SLC35F1: variants seen among roughly 807,000 people sequenced by gnomAD.
The protein encoded by SLC35F1 is chromosome 6 open reading frame 169.
In SLC35F1, 14 loss-of-function variants were observed where a neutral mutation model predicts 48.7. That is an observed-to-expected ratio of 0.29 (90% confidence interval 0.19 to 0.45). The LOEUF is 0.45. SLC35F1 is among the 20% of genes least tolerant of loss of function. SLC35F1 has a pLI of 1.00. For synonymous variants in SLC35F1, 190 were observed against 202.2 expected (o/e 0.94, Z 0.51); for missense variants, 404 against 500.0 (o/e 0.81, Z 1.83).
rs1007249562 is a variant in SLC35F1, at chr6:118,315,926, T to C, written c.*1674T>C. On this transcript the variant is annotated 3_prime_UTR_variant, in exon 8 of 8. Transcript: ENST00000360388. The stretch of plus-strand genomic sequence containing the variant: ...TCAGTATGTGATGTACTCTTTTAGT[T>C]TGACTGACTTCAATACCATTCAAAA... The C allele has an allele frequency of 3.9e-5, 6 of 152,230 alleles. No homozygotes were observed. The highest frequency in any genetic ancestry group is 1.2e-4 in the African/African-American group (5 of 41,462). The allele number at this position is 152,230 out of a possible 1,614,324, so 9.4% of individuals were successfully genotyped here. A position where few individuals can be genotyped will look rare whatever the true frequency, so the allele number is the denominator to read the frequency against.
chr6:118,228,256 G>T (rs1217736610), intron 2 of SLC35F1, among the ~76,000 whole-genome samples: 1 of 151,840 alleles, frequency 6.6e-6, no homozygotes, highest in Non-Finnish European at 1.5e-5. Context: ...GAACAATTTA[G>T]ATTTTCTTTT....
intron 1 of SLC35F1, among the ~76,000 whole-genome samples, chr6:117,955,427 C>T (rs1370601443): frequency 6.6e-6 from 1 of 152,184 alleles, no homozygotes; most frequent in Non-Finnish European, 1.5e-5. Flanking sequence ...ACTGTCTAGC[C>T]TGTGGATACC....
chr6:118,144,724 T>G, intron 1 of SLC35F1, among the ~76,000 whole-genome samples: 1 of 152,084 alleles, frequency 6.6e-6, no homozygotes, highest in East Asian at 1.9e-4. Context: ...TTACTTTATA[T>G]GTGAAAAGGA....
chr6:118,101,798 T>C (rs1265166811), intron 1 of SLC35F1, among the ~76,000 whole-genome samples: 5 of 152,232 alleles, frequency 3.3e-5, no homozygotes, highest in African/African-American at 7.2e-5. Flanking sequence ...CTTGCTGTTA[T>C]TAAAATATGT....
intron 2 of SLC35F1, among the ~76,000 whole-genome samples, chr6:118,227,905 GTCTT>G (rs1354109250): frequency 6.6e-6 from 1 of 152,152 alleles, no homozygotes; most frequent in Non-Finnish European, 1.5e-5. Flanking sequence ...TTCTTCTCTT[GTCTT>G]TCTTTCCACC....
At chr6:118,310,902 A>T (rs1424963713) in intron 7 of SLC35F1, among the ~76,000 whole-genome samples, 2 of 152,222 alleles carry the variant, frequency 1.3e-5, no homozygotes, top group African/African-American at 4.8e-5. Context: ...CGAGGGCATT[A>T]GATTTACAAA....
intron 7 of SLC35F1, among the ~76,000 whole-genome samples, chr6:118,310,315 G>A (rs1270554044): frequency 6.6e-6 from 1 of 152,028 alleles, no homozygotes; most frequent in African/African-American, 2.4e-5. Context: ...TCTTTCCTTG[G>A]GGAGATAGAA....
chr6:118,170,776 C>G (rs1009678504), intron 2 of SLC35F1, among the ~76,000 whole-genome samples: 40 of 151,848 alleles, frequency 2.6e-4, no homozygotes, highest in African/African-American at 9.7e-4. Context: ...TTTAAATTAC[C>G]CAAGTAAGAC....
chr6:118,022,851 C>T (rs1395285203), intron 1 of SLC35F1, among the ~76,000 whole-genome samples: 4 of 150,896 alleles, frequency 2.7e-5, no homozygotes, highest in African/African-American at 7.3e-5. Flanking sequence ...CCTGGGTTCG[C>T]GCCATTCTCC....
chr6:117,985,750 C>T (rs963826631), intron 1 of SLC35F1, among the ~76,000 whole-genome samples: 10 of 152,210 alleles, frequency 6.6e-5, no homozygotes, highest in Non-Finnish European at 1.3e-4. Flanking sequence ...GAAAACAGCT[C>T]GTCAAATTAG....
rs182410647 is a variant in SLC35F1 at position 118,157,644 on chromosome 6, G to A, written c.349+3024G>A. 1.7e-3 allele frequency among the ~76,000 whole-genome samples: 262 copies of A among 152,246 alleles called. 1 individual carries two copies. Among genetic ancestry groups the A allele is most frequent in the Non-Finnish European group, 1.5e-4 (10 of 68,024 alleles). ...GTATAAGTCCAAGAATCCAAAAGCT[G>A]AAGAACTTGAAGTCCGATGTTTGAG... On this transcript the variant is annotated intron_variant, in intron 2 of 7. Transcript: ENST00000360388.
chr6:118,222,507 G>A (rs1163803360), intron 2 of SLC35F1, among the ~76,000 whole-genome samples: 1 of 151,550 alleles, frequency 6.6e-6, no homozygotes, highest in East Asian at 1.9e-4. Flanking sequence ...ATTTATTGGG[G>A]GGTATAAAAA....
chr6:117,925,578 T>C (rs1368806056), intron 1 of SLC35F1, among the ~76,000 whole-genome samples: 1 of 152,202 alleles, frequency 6.6e-6, no homozygotes, highest in African/African-American at 2.4e-5. Flanking sequence ...GGGGTTTGTT[T>C]GACTTGCAGC....
chr6:118,282,876 G>A (rs374718232), intron 6 of SLC35F1, among the ~76,000 whole-genome samples: 1 of 152,092 alleles, frequency 6.6e-6, no homozygotes, highest in Non-Finnish European at 1.5e-5. Flanking sequence ...CTCTCTTGCC[G>A]GGATTGTGAC....
chr6:117,960,171 G>C (rs761344140), intron 1 of SLC35F1, among the ~76,000 whole-genome samples: 9 of 151,874 alleles, frequency 5.9e-5, no homozygotes, highest in Non-Finnish European at 1.0e-4. Context: ...TAGAGGGGTT[G>C]ACAAATATTA....
At chr6:118,064,076 A>C (rs944086187) in intron 1 of SLC35F1, among the ~76,000 whole-genome samples, 15 of 152,196 alleles carry the variant, frequency 9.9e-5, no homozygotes, top group Non-Finnish European at 2.9e-5. Flanking sequence ...CCTCACAGTC[A>C]TGGTGGAAGG....
chr6:118,149,910 G>A (rs945897509), intron 1 of SLC35F1, among the ~76,000 whole-genome samples: 2 of 152,178 alleles, frequency 1.3e-5, no homozygotes, highest in African/African-American at 4.8e-5. Context: ...CTCCTCTAGA[G>A]TATTTCTGGA....
At chr6:118,098,801 G>A (rs1773214572) in intron 1 of SLC35F1, among the ~76,000 whole-genome samples, 1 of 152,142 alleles carries the variant, frequency 6.6e-6, no homozygotes, top group Non-Finnish European at 1.5e-5. Context: ...AAAGAAATAA[G>A]ATAAGACTTT....
chr6:118,231,309 A>T (rs1033485837), intron 2 of SLC35F1, among the ~76,000 whole-genome samples: 2 of 152,170 alleles, frequency 1.3e-5, no homozygotes, highest in African/African-American at 4.8e-5. Context: ...CAGTTAATTT[A>T]AAAAAAGGTG....
Sources: gnomAD v4.1 joint callset for allele counts (sites outside exome capture counted in the v4.1 genomes callset) on GRCh38, gnomAD v4.1.1 for gene constraint, MANE v1.5 for transcripts, NCBI Gene and HGNC (gene_info 2026-07-23, HGNC 2026-07-21) for gene names.